Variants in SLC36A1 observed in about 807,000 individuals in gnomAD.
SLC36A1 encodes solute carrier family 36 member 1.
A neutral mutation model predicts 47.5 loss-of-function variants in SLC36A1; 30 were observed. The ratio of observed to expected loss-of-function variants is 0.63; its 90% confidence interval spans 0.47 to 0.86. The LOEUF (loss-of-function observed/expected upper bound fraction) is 0.86. Ranked by LOEUF, SLC36A1 falls within the 40% of genes least tolerant of loss-of-function variation. The probability of loss-of-function intolerance (pLI) is 0.00; values close to 1 mark genes in which losing one functional copy is unlikely to be tolerated. For synonymous variants in SLC36A1, 255 were observed against 249.7 expected, an observed-to-expected ratio of 1.02 and a Z score of -0.20; for missense variants, 517 against 606.0, an observed-to-expected ratio of 0.85 and a Z score of 1.54.
At chr5:151,484,608 G>A (rs1483936916) in intron 10 of SLC36A1, among the ~76,000 whole-genome samples, 1 of 152,194 alleles carries the variant, frequency 6.6e-6, no homozygotes, top group Non-Finnish European at 1.5e-5. Context: ...ACAGGTAAAC[G>A]AATGAACTGA....
the SLC36A1 span, among the ~76,000 whole-genome samples, chr5:151,530,368 C>T: frequency 6.6e-6 from 1 of 152,128 alleles, no homozygotes; most frequent in African/African-American, 2.4e-5. Context: ...TGATCAAGGC[C>T]TTTGATCCAA....
At chr5:151,420,512 G>T in the SLC36A1 span, among the ~76,000 whole-genome samples, 8 of 152,150 alleles carry the variant, frequency 5.3e-5, no homozygotes, top group Admixed American at 3.3e-4. Flanking sequence ...GGGGATGATC[G>T]TGCATGCCGC....
At chr5:151,550,951 C>A in the SLC36A1 span, 1 of 1,329,250 alleles carries the variant, frequency 7.5e-7, no homozygotes, top group Non-Finnish European at 1.1e-6. Context: ...CTCCCTGTAT[C>A]ACCCAGGCCT....
At chr5:151,547,998 C>T in the SLC36A1 span, among the ~76,000 whole-genome samples, 1 of 152,130 alleles carries the variant, frequency 6.6e-6, no homozygotes, top group Non-Finnish European at 1.5e-5. Flanking sequence ...AAAATAAAGT[C>T]ATTATCTCCA....
At chr5:151,441,008 G>T (rs1390108588) in intron 1 of SLC36A1, among the ~76,000 whole-genome samples, 2 of 152,182 alleles carry the variant, frequency 1.3e-5, no homozygotes, top group Non-Finnish European at 1.5e-5. Context: ...AATGCAGATT[G>T]CTGTGCCCCC....
the SLC36A1 span, among the ~76,000 whole-genome samples, chr5:151,539,119 G>A: frequency 2.0e-5 from 3 of 152,012 alleles, no homozygotes; most frequent in East Asian, 5.8e-4. Flanking sequence ...GATGGCTGAG[G>A]GAAAAGAGAA....
intron 1 of SLC36A1, among the ~76,000 whole-genome samples, chr5:151,438,620 T>C (rs1759917673): frequency 6.6e-6 from 1 of 152,202 alleles, no homozygotes; most frequent in South Asian, 2.1e-4. Context: ...GTCTCATACA[T>C]GTGCTCTGAC....
At chr5:151,527,907 G>C in the SLC36A1 span, 1 of 1,519,194 alleles carries the variant, frequency 6.6e-7, no homozygotes, top group Non-Finnish European at 9.0e-7. Flanking sequence ...TCAGGATGGG[G>C]TCTTGACAGC....
chr5:151,419,189 T>C, the SLC36A1 span, among the ~76,000 whole-genome samples: 1 of 152,186 alleles, frequency 6.6e-6, no homozygotes, highest in Non-Finnish European at 1.5e-5. Context: ...TCTTGGGCAG[T>C]TTTTTATAGC....
At chr5:151,515,717 C>T in the SLC36A1 span, among the ~76,000 whole-genome samples, 1 of 152,324 alleles carries the variant, frequency 6.6e-6, no homozygotes, top group South Asian at 2.1e-4. Flanking sequence ...TCCAATTCCT[C>T]TGTCATCACC....
chr5:151,541,257 CAAGAA>C, the SLC36A1 span, among the ~76,000 whole-genome samples: 2 of 152,158 alleles, frequency 1.3e-5, no homozygotes, highest in Non-Finnish European at 2.9e-5. Flanking sequence ...TAATCACTGA[CAAGAA>C]TGTGGGAATA....
chr5:151,526,072 G>T, the SLC36A1 span: 1 of 1,039,824 alleles, frequency 9.6e-7, no homozygotes, highest in Non-Finnish European at 1.4e-6. Flanking sequence ...CACTCTGACT[G>T]CTTGTAGATG....
chr5:151,544,729 T>C, the SLC36A1 span: 3 of 1,614,202 alleles, frequency 1.9e-6, no homozygotes, highest in South Asian at 2.2e-5. Context: ...TAAAGCTTGA[T>C]AATCAAAGGG....
At chr5:151,505,336 C>T in the SLC36A1 span, 2 of 586,550 alleles carry the variant, frequency 3.4e-6, no homozygotes, top group Non-Finnish European at 5.9e-6. Context: ...TCTAGAAATG[C>T]CCCTCTCCTG....
the SLC36A1 span, among the ~76,000 whole-genome samples, chr5:151,360,845 C>G: frequency 1.3e-5 from 2 of 152,232 alleles, no homozygotes; most frequent in African/African-American, 2.4e-5. Context: ...AAGCACTCAT[C>G]TCCATCCAGT....
At chr5:151,422,831 A>G in the SLC36A1 span, among the ~76,000 whole-genome samples, 1 of 152,182 alleles carries the variant, frequency 6.6e-6, no homozygotes, top group Non-Finnish European at 1.5e-5. Context: ...AATCCCAGCT[A>G]CTTGGAAGGC....
the SLC36A1 span, among the ~76,000 whole-genome samples, chr5:151,371,795 G>A: frequency 6.6e-6 from 1 of 152,012 alleles, no homozygotes; most frequent in Non-Finnish European, 1.5e-5. Flanking sequence ...CTACCTAATA[G>A]CATTACAAAC....
the SLC36A1 span, among the ~76,000 whole-genome samples, chr5:151,354,242 TGCAGTGA>T: frequency 6.6e-6 from 1 of 152,026 alleles, no homozygotes; most frequent in Non-Finnish European, 1.5e-5. Flanking sequence ...AGGTGGAGGG[TGCAGTGA>T]GCCAAGATCG....
the SLC36A1 span, chr5:151,382,324 A>G: frequency 1.0e-6 from 1 of 969,434 alleles, no homozygotes; most frequent in Non-Finnish European, 1.6e-6. Flanking sequence ...AGCAGCCTCA[A>G]GTTCAGCCTC....
Sources: allele counts gnomAD v4.1 joint callset (sites outside exome capture counted in the v4.1 genomes callset), GRCh38; gene constraint gnomAD v4.1.1; transcripts MANE v1.5; gene names NCBI Gene and HGNC (gene_info 2026-07-23, HGNC 2026-07-21).